FBN2: variants seen among roughly 807,000 people sequenced by gnomAD.
FBN2 encodes the protein fibrillin 2.
Under a neutral mutation model 355.6 loss-of-function variants are expected in FBN2, and 105 were observed. The ratio of observed to expected loss-of-function variants is 0.30; its 90% CI spans 0.25 to 0.35. The LOEUF is 0.35. Among genes scored for constraint, FBN2 ranks in the 10% least tolerant of loss-of-function variants. The pLI is 1.00. For synonymous variants in FBN2, 1,350 were observed against 1,301.2 expected (o/e 1.04, Z -0.81); for missense variants, 3,280 against 3,758.7 (o/e 0.87, Z 3.33).
At chr5:128,346,128 C>T (rs570255501) in intron 23 of FBN2, among the ~76,000 whole-genome samples, 8 of 152,038 alleles carry the variant, frequency 5.3e-5, no homozygotes, top group African/African-American at 7.2e-5. Flanking sequence ...GTGAATTTTC[C>T]GTTTTAAGGG....
intron 62 of FBN2, among the ~76,000 whole-genome samples, chr5:128,269,413 C>A (rs1182045180): frequency 6.6e-6 from 1 of 150,778 alleles, no homozygotes; most frequent in Non-Finnish European, 1.5e-5. Flanking sequence ...GAGCTGAGAT[C>A]GTGCCACTGC....
chr5:128,268,316 T>G (rs1765171298), intron 62 of FBN2, among the ~76,000 whole-genome samples: 1 of 152,124 alleles, frequency 6.6e-6, no homozygotes, highest in Non-Finnish European at 1.5e-5. Flanking sequence ...CTACCAAGAC[T>G]AAACCAGGAA....
intron 7 of FBN2, among the ~76,000 whole-genome samples, chr5:128,415,887 A>T (rs1301896998): frequency 6.6e-6 from 1 of 152,120 alleles, no homozygotes; most frequent in African/African-American, 2.4e-5. Flanking sequence ...TTTTAATAAT[A>T]GTGATTTTAA....
chr5:128,337,905 A>G (rs1281039041), intron 27 of FBN2, 92 bp downstream of exon 27: 1 of 1,380,728 alleles, frequency 7.2e-7, no homozygotes, highest in African/African-American at 1.4e-5. Flanking sequence ...GCTAGATTTC[A>G]TGTGCTCCTC....
chr5:128,380,261 G>A (rs1336762682), intron 11 of FBN2, among the ~76,000 whole-genome samples: 1 of 152,020 alleles, frequency 6.6e-6, no homozygotes, highest in Non-Finnish European at 1.5e-5. Context: ...TTTCCAATAT[G>A]AAATACCACC....
chr5:128,445,209 T>C (rs1754034552), intron 7 of FBN2, among the ~76,000 whole-genome samples: 1 of 152,226 alleles, frequency 6.6e-6, no homozygotes, highest in Admixed American at 6.5e-5. Context: ...TCACAGAGAA[T>C]TTATTTGGTC....
At chr5:128,272,539 T>A (rs961798512) in intron 61 of FBN2, among the ~76,000 whole-genome samples, 8 of 149,766 alleles carry the variant, frequency 5.3e-5, no homozygotes, top group African/African-American at 1.7e-4. Flanking sequence ...TGAGATACAA[T>A]CCTCATTTTT....
intron 7 of FBN2, 179 bp downstream of exon 7, chr5:128,446,302 A>G (rs1282823864): frequency 1.7e-6 from 1 of 593,446 alleles, no homozygotes; most frequent in Non-Finnish European, 2.9e-6. Flanking sequence ...CTCTTTTCAA[A>G]TCAAACCCAC....
At chr5:128,514,317 A>G (rs78042178) in intron 5 of FBN2, among the ~76,000 whole-genome samples, 1 of 152,132 alleles carries the variant, frequency 6.6e-6, no homozygotes, top group Non-Finnish European at 1.5e-5. Flanking sequence ...TTCTACATTC[A>G]TTTGACTGAA....
chr5:128,369,131 G>A lies in FBN2; in HGVS notation c.2248+51C>T, dbSNP rs750953082. 7.0e-6 allele frequency: 11 copies of A among 1,578,890 alleles called. No individual in the cohort carries two copies. The African/African-American group carries it at 1.3e-4, about 19-fold the overall frequency. ...ATGTTCTCTTTGGCCAAACATCTAA[G>A]GTTGTATTTCTTGATTCTTTATCAA... is the stretch of plus-strand genomic sequence containing the variant. On this transcript the variant is annotated intron_variant, in intron 16 of 64. Transcript: ENST00000262464.
chr5:128,454,762 A>T (rs966445390), intron 6 of FBN2, among the ~76,000 whole-genome samples: 1 of 152,132 alleles, frequency 6.6e-6, no homozygotes, highest in East Asian at 1.9e-4. Flanking sequence ...CTGTATTGCT[A>T]TTTCTTTATT....
chr5:128,318,672 T>C (rs1395827402), intron 35 of FBN2, among the ~76,000 whole-genome samples: 1 of 152,086 alleles, frequency 6.6e-6, no homozygotes, highest in Non-Finnish European at 1.5e-5. Context: ...TTAACAATCA[T>C]ACAGATAACA....
intron 5 of FBN2, among the ~76,000 whole-genome samples, chr5:128,467,468 G>GAT (rs948619352): frequency 2.6e-4 from 40 of 151,920 alleles, no homozygotes; most frequent in African/African-American, 9.4e-4. Flanking sequence ...ACAAATACTA[G>GAT]ATATTGTAAA....
chr5:128,468,786 A>C (rs147766022), intron 5 of FBN2, among the ~76,000 whole-genome samples: 2,739 of 152,336 alleles, frequency 0.018, 26 homozygotes, highest in Middle Eastern at 0.041. Flanking sequence ...GTTTATAGAA[A>C]ATACAAGTTG....
intron 6 of FBN2, among the ~76,000 whole-genome samples, chr5:128,450,810 A>T (rs1754218379): frequency 6.6e-6 from 1 of 152,140 alleles, no homozygotes; most frequent in Admixed American, 6.5e-5. Context: ...GAATTTACAC[A>T]AATTTGTTAC....
intron 7 of FBN2, among the ~76,000 whole-genome samples, chr5:128,409,194 ATAAC>A (rs1210932565): frequency 3.9e-5 from 6 of 152,248 alleles, no homozygotes; most frequent in African/African-American, 7.2e-5. Context: ...TTGAAAATGT[ATAAC>A]TAATTTTCAC....
At chr5:128,401,067 T>C (rs1348253916) in intron 8 of FBN2, among the ~76,000 whole-genome samples, 1 of 152,234 alleles carries the variant, frequency 6.6e-6, no homozygotes, top group East Asian at 1.9e-4. Flanking sequence ...TTCTGAGGCC[T>C]TCCCAGCCAT....
intron 5 of FBN2, among the ~76,000 whole-genome samples, chr5:128,504,472 G>T (rs1200934006): frequency 6.6e-6 from 1 of 152,226 alleles, no homozygotes; most frequent in Non-Finnish European, 1.5e-5. Flanking sequence ...AGCTGCCCAA[G>T]ACCATGGGGA....
chr5:128,510,319 T>A (rs1009988172), intron 5 of FBN2, among the ~76,000 whole-genome samples: 4 of 152,246 alleles, frequency 2.6e-5, no homozygotes, highest in Non-Finnish European at 5.9e-5. Flanking sequence ...TTGGGCTGCA[T>A]TCAAAGCTCT....
Sources: gnomAD v4.1 joint callset for allele counts (sites outside exome capture counted in the v4.1 genomes callset) on GRCh38, gnomAD v4.1.1 for gene constraint, MANE v1.5 for transcripts, NCBI Gene and HGNC (gene_info 2026-07-23, HGNC 2026-07-21) for gene names.